The following ELAPOR2 variants were observed in gnomAD, a reference collection of about 807,000 sequenced individuals.
The protein encoded by ELAPOR2 is endosome-lysosome associated apoptosis and autophagy regulator family member 2, also known as endosome/lysosome-associated apoptosis and autophagy regulator family member 2.
A neutral mutation model predicts 120.7 loss-of-function variants in ELAPOR2; 89 were observed. That is an observed-to-expected ratio of 0.74 (90% CI 0.62 to 0.88). The LOEUF is 0.88. Among genes scored for constraint, ELAPOR2 ranks in the 40% least tolerant of loss-of-function variants. The pLI, the probability that ELAPOR2 is intolerant of heterozygous loss-of-function variation, is 0.00. For missense variants in ELAPOR2, 1,134 were observed against 1,251.6 expected, an observed-to-expected ratio of 0.91 and a Z score of 1.42; for synonymous variants, 444 against 444.9, an observed-to-expected ratio of 1.00 and a Z score of 0.03.
chr7:86,954,235 A>T (rs1396719880), intron 2 of ELAPOR2, among the ~76,000 whole-genome samples: 4 of 152,172 alleles, frequency 2.6e-5, no homozygotes, highest in African/African-American at 9.7e-5. Context: ...TGCTATGATC[A>T]TGCAACTACC....
chr7:86,976,716 T>G (rs1188942572), intron 1 of ELAPOR2, among the ~76,000 whole-genome samples: 1 of 152,190 alleles, frequency 6.6e-6, no homozygotes, highest in East Asian at 1.9e-4. Flanking sequence ...CAGAGGATTT[T>G]ATAAGGATCT....
chr7:86,977,275 T>G (rs534329228), intron 1 of ELAPOR2, among the ~76,000 whole-genome samples: 98 of 152,344 alleles, frequency 6.4e-4, no homozygotes, highest in Admixed American at 2.2e-3. Context: ...ATAGGGGTTC[T>G]GGGATTAGAA....
intron 18 of ELAPOR2, among the ~76,000 whole-genome samples, chr7:86,907,356 T>G (rs1029054595): frequency 1.1e-4 from 17 of 152,036 alleles, no homozygotes; most frequent in African/African-American, 4.1e-4. Context: ...TCAAGGAAAT[T>G]CAGGCTAAAC....
At chr7:87,047,443 C>G (rs1794986312) in intron 1 of ELAPOR2, among the ~76,000 whole-genome samples, 1 of 152,100 alleles carries the variant, frequency 6.6e-6, no homozygotes, top group Admixed American at 6.5e-5. Context: ...CAAGGGATTA[C>G]TAACCAGAAT....
At chr7:86,893,379 A>G (rs1363705191) in intron 19 of ELAPOR2, among the ~76,000 whole-genome samples, 1 of 152,098 alleles carries the variant, frequency 6.6e-6, no homozygotes, top group East Asian at 1.9e-4. Flanking sequence ...CCTGAGAAGG[A>G]TGCAGTACAG....
chr7:87,030,210 G>C (rs1292628269), intron 1 of ELAPOR2, among the ~76,000 whole-genome samples: 1 of 151,912 alleles, frequency 6.6e-6, no homozygotes, highest in African/African-American at 2.4e-5. Flanking sequence ...GTCCTGTTAG[G>C]GTGATCACCT....
intron 1 of ELAPOR2, among the ~76,000 whole-genome samples, chr7:87,006,259 A>G (rs1284820251): frequency 6.6e-6 from 1 of 152,128 alleles, no homozygotes; most frequent in East Asian, 1.9e-4. Context: ...TTAATAATTT[A>G]ATTAATCAAT....
chr7:86,926,659 A>C (rs17697806), intron 9 of ELAPOR2, 77 bp downstream of exon 9: 1 of 1,357,306 alleles, frequency 7.4e-7, no homozygotes, highest in East Asian at 2.4e-5. Context: ...CCATAAAAAC[A>C]ATTTAGAAAA....
intron 2 of ELAPOR2, among the ~76,000 whole-genome samples, chr7:86,963,963 A>G (rs1215162516): frequency 1.3e-5 from 2 of 152,294 alleles, no homozygotes; most frequent in East Asian, 3.9e-4. Context: ...AACTTTCCTC[A>G]TAAGATTATT....
At chr7:87,054,487 A>G (rs191229446) in intron 1 of ELAPOR2, among the ~76,000 whole-genome samples, 16 of 152,328 alleles carry the variant, frequency 1.1e-4, no homozygotes, top group Admixed American at 3.9e-4. Context: ...AGTTACGTTA[A>G]CTGCTTGAAA....
At chr7:86,921,525 G>A (rs887962936) in intron 10 of ELAPOR2, among the ~76,000 whole-genome samples, 3 of 152,072 alleles carry the variant, frequency 2.0e-5, no homozygotes, top group Admixed American at 2.0e-4. Context: ...AGGCTTCAGA[G>A]AGAACATAGC....
chr7:86,993,234 C>CAAAAAAAAAAAAAAAAAAAAAAA (rs1159917841), intron 1 of ELAPOR2, among the ~76,000 whole-genome samples: 2 of 57,142 alleles, frequency 3.5e-5, no homozygotes, highest in African/African-American at 1.2e-4. Context: ...GACTCCATCT[C>CAAAAAAAAAAAAAAAAAAAAAAA]AAAAAAAAAA....
intron 19 of ELAPOR2, among the ~76,000 whole-genome samples, chr7:86,896,252 C>T (rs566525673): frequency 1.3e-5 from 2 of 152,088 alleles, no homozygotes; most frequent in South Asian, 4.1e-4. Context: ...CTCCTTAAAA[C>T]TTTATCTCAC....
At chr7:86,909,402 C>T (rs35233552) in intron 16 of ELAPOR2, among the ~76,000 whole-genome samples, 1 of 152,062 alleles carries the variant, frequency 6.6e-6, no homozygotes, top group African/African-American at 2.4e-5. Flanking sequence ...GCACCCTCAC[C>T]TTTGCTGTTT....
chr7:86,889,107 T>G (rs961403707), intron 21 of ELAPOR2, among the ~76,000 whole-genome samples: 1 of 152,094 alleles, frequency 6.6e-6, no homozygotes, highest in African/African-American at 2.4e-5. Context: ...CTTGAAGTAA[T>G]CAATTACACC....
chr7:86,958,557 G>C (rs1174948478), intron 2 of ELAPOR2, among the ~76,000 whole-genome samples: 2 of 152,160 alleles, frequency 1.3e-5, no homozygotes, highest in Non-Finnish European at 2.9e-5. Context: ...GGCCGATTGA[G>C]TTGCCAGAAT....
intron 8 of ELAPOR2, among the ~76,000 whole-genome samples, chr7:86,933,113 G>A (rs144866031): frequency 0.024 from 3,580 of 151,344 alleles, 132 homozygotes; most frequent in African/African-American, 0.083. Flanking sequence ...TGGCAAATAT[G>A]TATATAAATA....
chr7:87,025,559 C>T (rs367568865), intron 1 of ELAPOR2, among the ~76,000 whole-genome samples: 7 of 151,978 alleles, frequency 4.6e-5, no homozygotes, highest in African/African-American at 1.7e-4. Flanking sequence ...CAGGCCAATG[C>T]TTATCCCACC....
chr7:86,914,881 T>C, intron 12 of ELAPOR2, 21 bp from the exon 13 acceptor site: 1 of 1,580,352 alleles, frequency 6.3e-7, no homozygotes, highest in Non-Finnish European at 8.6e-7. Flanking sequence ...GTGGAAAAAC[T>C]ATATTCAAAT....
Sources: allele counts gnomAD v4.1 joint callset (sites outside exome capture counted in the v4.1 genomes callset), GRCh38; gene constraint gnomAD v4.1.1; transcripts MANE v1.5; gene names NCBI Gene and HGNC (gene_info 2026-07-23, HGNC 2026-07-21).